The following RUFY3 variants were observed in gnomAD, a reference collection of about 807,000 sequenced individuals.
RUFY3 encodes the protein RUN and FYVE domain containing 3.
In RUFY3, 34 loss-of-function variants were observed where a neutral mutation model predicts 84.0. The ratio of observed to expected loss-of-function variants is 0.40; its 90% confidence interval spans 0.31 to 0.54. The LOEUF (loss-of-function observed/expected upper bound fraction) is 0.54. RUFY3 is among the 20% of genes least tolerant of loss of function. The pLI, the probability that RUFY3 is intolerant of heterozygous loss-of-function variation, is 0.39. For missense variants in RUFY3, 507 were observed against 736.8 expected (o/e 0.69, Z 3.61); for synonymous variants, 242 against 252.9 (o/e 0.96, Z 0.41).
chr4:70,711,043 CACAGA>C (rs1740929411), intron 1 of RUFY3, among the ~76,000 whole-genome samples: 2 of 130,154 alleles, frequency 1.5e-5, no homozygotes, highest in Admixed American at 9.1e-5. Context: ...CAGCCTGGGC[CACAGA>C]GCAAGACTCC....
Position 70,762,548 on chromosome 4 carries a change from A to C in RUFY3, c.208A>C (p.Met70Leu). 2 of 1,612,966 alleles carry C rather than the reference A, an allele frequency of 1.2e-6. No homozygotes were observed. Among genetic ancestry groups the C allele is most frequent in the Non-Finnish European group, 1.7e-6 (2 of 1,179,210 alleles). Residue 70 changes from methionine to leucine, a missense_variant, in exon 2 of 18, where the codon ATG becomes CTG. By Grantham distance (15) the Met-to-Leu change is conservative (BLOSUM62 2). Around this residue, in one of 4 missense-constraint regions of RUFY3, gnomAD observed 133 missense variants for 301.1 expected, o/e 0.44. Transcript: ENST00000381006. ...TAATTATCTCATGGCTAATGAACGC[A>C]TGAACCTCATGAACATGGCCAAGCT... ...DPNYLMANER[M>L]NLMNMAKLSI...
At chr4:70,776,886 C>T (rs1190121408) in intron 7 of RUFY3, among the ~76,000 whole-genome samples, 1 of 152,252 alleles carries the variant, frequency 6.6e-6, no homozygotes, top group Admixed American at 6.5e-5. Context: ...CTAAGGGCCA[C>T]TGTCCTTACG....
Position 70,788,047 on chromosome 4 carries a change from G to A in RUFY3, c.1072-759G>A, listed in dbSNP as rs905075782. 5.4e-5 allele frequency among the ~76,000 whole-genome samples: 8 copies of A among 146,856 alleles called. No individual in the cohort carries two copies. In the East Asian group the frequency reaches 1.6e-3, roughly 30 times the overall value. ...CACACCTGTAATCCCAGCACTTTGGGAGGCTGAGGCGGGCAGATCACGAGG... is the reference window on the plus strand; with the variant it reads ...CACACCTGTAATCCCAGCACTTTGGAAGGCTGAGGCGGGCAGATCACGAGG... On this transcript the variant is annotated intron_variant, in intron 10 of 17. Transcript: ENST00000381006.
chr4:70,765,736 C>T (rs1423381355), intron 4 of RUFY3, among the ~76,000 whole-genome samples: 1 of 151,036 alleles, frequency 6.6e-6, no homozygotes. Flanking sequence ...TGTTTTTGTG[C>T]TATTTTGTCA....
intron 12 of RUFY3, chr4:70,793,392 T>G: frequency 9.6e-7 from 1 of 1,047,094 alleles, no homozygotes; most frequent in Non-Finnish European, 1.2e-6. Context: ...AACAGAAAAA[T>G]TAAGTACCAA....
intron 1 of RUFY3, among the ~76,000 whole-genome samples, chr4:70,756,095 A>G (rs1723973782): frequency 6.6e-6 from 1 of 152,158 alleles, no homozygotes; most frequent in African/African-American, 2.4e-5. Context: ...ACCATCGTCC[A>G]TCTAATCGCC....
intron 1 of RUFY3, among the ~76,000 whole-genome samples, chr4:70,760,363 C>T (rs113766891): frequency 6.6e-6 from 1 of 152,264 alleles, no homozygotes; most frequent in East Asian, 1.9e-4. Flanking sequence ...TAAACTTTGA[C>T]TAGCAGCATT....
chr4:70,762,599 G>A lies in RUFY3; in HGVS notation c.259G>A (p.Ala87Thr). 1 of 1,613,982 alleles carries A rather than the reference G, an allele frequency of 6.2e-7. No individual in the cohort carries two copies. Among genetic ancestry groups the A allele is most frequent in the Non-Finnish European group, 8.5e-7 (1 of 1,179,928 alleles). The change falls in exon 2 of 18, where the codon GCT becomes ACT. Residue 87 changes from alanine to threonine, a missense_variant. Physicochemically the swap from Ala to Thr is moderately conservative, Grantham distance 58 (BLOSUM62 0). This residue lies in a region of RUFY3 where 133 missense variants were observed against 301.1 expected (regional missense o/e 0.44). Coordinates refer to ENST00000381006, the MANE Select transcript of RUFY3 (RefSeq NM_001037442.4). The stretch of plus-strand genomic sequence containing the variant: ...GAGTATCAAGGGCTTGATTGAATCA[G>A]CTCTGAACCTGGGGAGGACTCTTGA... ...KLSIKGLIESALNLGRTLDSD... is the reference protein window; with the variant it reads ...KLSIKGLIESTLNLGRTLDSD...
intron 8 of RUFY3, among the ~76,000 whole-genome samples, chr4:70,780,540 G>A (rs751068265): frequency 6.6e-6 from 1 of 152,110 alleles, no homozygotes; most frequent in African/African-American, 2.4e-5. Context: ...TGATCCACCC[G>A]CCTCGGCCTC....
upstream of RUFY3, among the ~76,000 whole-genome samples, chr4:70,719,088 A>T (rs1035813753): frequency 3.9e-5 from 6 of 152,214 alleles, no homozygotes; most frequent in Admixed American, 2.0e-4. Flanking sequence ...AACAATGGAT[A>T]ACTGTTCGTG....
intron 1 of RUFY3, among the ~76,000 whole-genome samples, chr4:70,758,805 C>T (rs959131702): frequency 8.6e-5 from 13 of 151,828 alleles, no homozygotes; most frequent in Middle Eastern, 3.2e-3. Context: ...TGTGGGAGGC[C>T]GAGGCAGGTA....
chr4:70,715,516 C>T (rs531228435), intron 1 of RUFY3, among the ~76,000 whole-genome samples: 2 of 143,528 alleles, frequency 1.4e-5, no homozygotes, highest in East Asian at 2.2e-4. Context: ...CGCTTGAACC[C>T]GGGAGGCAGA....
intron 17 of RUFY3, 148 bp downstream of exon 17, chr4:70,804,564 C>T: frequency 1.9e-6 from 1 of 536,394 alleles, no homozygotes; most frequent in Non-Finnish European, 3.3e-6. Context: ...AAGGGGCAAG[C>T]ATTTACTGGG....
intron 1 of RUFY3, among the ~76,000 whole-genome samples, chr4:70,729,191 G>A (rs2148606794): frequency 6.6e-6 from 1 of 152,278 alleles, no homozygotes; most frequent in African/African-American, 2.4e-5. Flanking sequence ...CCTGGACCTG[G>A]ATTCAGTTCC....
intron 15 of RUFY3, 80 bp downstream of exon 15, chr4:70,800,285 G>T: frequency 2.0e-6 from 2 of 990,304 alleles, no homozygotes; most frequent in Non-Finnish European, 3.0e-6. Flanking sequence ...ATATACATTG[G>T]CATTGACACC....
intron 10 of RUFY3, among the ~76,000 whole-genome samples, chr4:70,787,438 G>A (rs1423940504): frequency 1.3e-5 from 2 of 151,168 alleles, no homozygotes; most frequent in African/African-American, 2.4e-5. Flanking sequence ...TTGTATTTTA[G>A]TAGAGATGGG....
intron 1 of RUFY3, among the ~76,000 whole-genome samples, chr4:70,724,272 G>A (rs1717862519): frequency 6.6e-6 from 1 of 152,068 alleles, no homozygotes. Flanking sequence ...AAGTCTTCTG[G>A]CAACTGCCTC....
intron 16 of RUFY3, 76 bp from the exon 17 acceptor site, chr4:70,804,272 G>A: frequency 8.6e-7 from 1 of 1,159,396 alleles, no homozygotes; most frequent in South Asian, 1.3e-5. Flanking sequence ...TAATATTGTA[G>A]GTAAAAAATG....
At chr4:70,789,673 A>G in intron 12 of RUFY3, 81 bp downstream of exon 12, 1 of 1,485,052 alleles carries the variant, frequency 6.7e-7, no homozygotes, top group South Asian at 1.4e-5. Flanking sequence ...TTCGGCAAAT[A>G]GAAAATACAT....
Sources: gnomAD v4.1 joint callset for allele counts (sites outside exome capture counted in the v4.1 genomes callset) on GRCh38, gnomAD v4.1.1 for gene constraint, gnomAD v4.1.1 regional missense constraint, MANE v1.5 for transcripts, NCBI Gene and HGNC (gene_info 2026-07-23, HGNC 2026-07-21) for gene names.